Variants in DNAH8 observed in about 807,000 individuals in gnomAD.
The protein encoded by DNAH8 is dynein axonemal heavy chain 8, also known as axonemal beta dynein heavy chain 8.
In DNAH8, 382 loss-of-function variants were observed where a neutral mutation model predicts 562.1. The ratio of observed to expected loss-of-function variants is 0.68; its 90% CI spans 0.63 to 0.74. The LOEUF (loss-of-function observed/expected upper bound fraction) is 0.74, where lower values mean the gene tolerates loss of function less well. Ranked by LOEUF, DNAH8 falls within the 30% of genes least tolerant of loss-of-function variation. The pLI, the probability that DNAH8 is intolerant of heterozygous loss-of-function variation, is 0.00. For missense variants in DNAH8, 5,203 were observed against 5,620.4 expected (o/e 0.93, Z 2.37); for synonymous variants, 1,881 against 1,919.4 (o/e 0.98, Z 0.52).
At chr6:38,818,918 G>A (rs1410367237) in intron 26 of DNAH8, among the ~76,000 whole-genome samples, 1 of 152,148 alleles carries the variant, frequency 6.6e-6, no homozygotes, top group Admixed American at 6.5e-5. Context: ...GAGAACTGGA[G>A]GCAGGTAATT....
chr6:38,745,602 C>G (rs1764861884), intron 8 of DNAH8, among the ~76,000 whole-genome samples: 1 of 152,262 alleles, frequency 6.6e-6, no homozygotes, highest in African/African-American at 2.4e-5. Flanking sequence ...ATTAATGATG[C>G]TACACACAAT....
chr6:39,006,817 A>G (rs867953530), intron 88 of DNAH8, among the ~76,000 whole-genome samples: 2 of 152,188 alleles, frequency 1.3e-5, no homozygotes, highest in African/African-American at 2.4e-5. Flanking sequence ...CAAGTTACCT[A>G]TCATCTTCTT....
Position 38,890,703 on chromosome 6 carries a change from T to C in DNAH8, c.8525T>C (p.Ile2842Thr), listed in dbSNP as rs1340908139. 6.2e-7 allele frequency: 1 copy of C among 1,613,970 alleles called. No individual in the cohort carries two copies. Reference sequence around the variant, plus strand: ...CCTTGTAGAAGTTTCAAGCCTCAAATATGTGAGATGATTGTGAATTTAGTC... The same window carrying C: ...CCTTGTAGAAGTTTCAAGCCTCAAACATGTGAGATGATTGTGAATTTAGTC... ...FDPCRSFKPQ[I>T]CEMIVNLVSV... Residue 2842 changes from isoleucine to threonine, a missense_variant, in exon 58 of 93, where the codon ATA becomes ACA. Ile to Thr is a moderately conservative substitution (Grantham distance 89). Transcript: ENST00000327475.
chr6:38,949,967 A>G (rs1051849860), intron 81 of DNAH8, among the ~76,000 whole-genome samples: 4 of 152,216 alleles, frequency 2.6e-5, no homozygotes, highest in Admixed American at 6.5e-5. Flanking sequence ...TTACAAGACA[A>G]TTAGCTTATA....
In DNAH8 at chr6:38,938,790, T is replaced by C. The variant is rs1583409015; in HGVS notation, c.11817-8T>C. 6.3e-7 allele frequency: 1 copy of C among 1,577,800 alleles called. No homozygotes were observed. The highest frequency in any genetic ancestry group is 1.9e-5 in the Admixed American group (1 of 53,502). On this transcript the variant is annotated splice_region_variant and splice_polypyrimidine_tract_variant and intron_variant, in intron 78 of 92. Coordinates refer to ENST00000327475, the MANE Select transcript of DNAH8 (RefSeq NM_001206927.2). ...CTTTGCTTCTTTGATTCTTAAAATG[T>C]GTTTCAGATCTGAAAAGTCACCACT... is the stretch of plus-strand genomic sequence containing the variant.
chr6:38,897,636 C>T (rs1428562018), intron 60 of DNAH8, among the ~76,000 whole-genome samples: 1 of 151,844 alleles, frequency 6.6e-6, no homozygotes, highest in Non-Finnish European at 1.5e-5. Flanking sequence ...TATATAGAGC[C>T]GGGCGAGGTG....
intron 22 of DNAH8, among the ~76,000 whole-genome samples, chr6:38,804,376 G>C (rs1173299424): frequency 6.6e-6 from 1 of 152,134 alleles, no homozygotes; most frequent in Non-Finnish European, 1.5e-5. Context: ...TTAAAGTTTT[G>C]TTTTCAAGCT....
At chr6:38,863,440 A>G (rs1463104790) in intron 44 of DNAH8, among the ~76,000 whole-genome samples, 1 of 151,984 alleles carries the variant, frequency 6.6e-6, no homozygotes, top group African/African-American at 2.4e-5. Context: ...AAACAAAACA[A>G]AACAACAAAA....
chr6:38,725,303 A>ATAT (rs1321323431), intron 3 of DNAH8, among the ~76,000 whole-genome samples: 2 of 18,814 alleles, frequency 1.1e-4, no homozygotes, highest in Non-Finnish European at 2.1e-4. Context: ...ACTCCAACTC[A>ATAT]TATAATAATA....
chr6:39,017,134 AG>A, intron 91 of DNAH8, among the ~76,000 whole-genome samples: 1 of 152,178 alleles, frequency 6.6e-6, no homozygotes, highest in South Asian at 2.1e-4. Context: ...TTTGTCTCCC[AG>A]CAGATTACTC....
In DNAH8 at chr6:38,791,591, C is replaced by A. The variant is rs200401493; in HGVS notation, c.2818C>A (p.Leu940Met). Residue 940 changes from leucine (L) to methionine (M), a missense_variant, in exon 21 of 93, where the codon CTG (leucine) becomes ATG (methionine). Transcript: ENST00000327475. ...DLCEMHIDTV[L>M]KEIAKTVLIS... is the part of the protein sequence containing the mutation. ...GTGTGAAATGCATATTGATACAGTT[C>A]TGAAGGAGATAGCCAAAACTGTGTT... The A allele has an allele frequency of 1.1e-4, 184 of 1,613,728 alleles. No homozygotes were observed. Among genetic ancestry groups the A allele is most frequent in the Middle Eastern group, 1.7e-4 (1 of 6,060 alleles).
At chr6:38,922,678 G>A (rs569009133) in intron 71 of DNAH8, among the ~76,000 whole-genome samples, 250 of 152,224 alleles carry the variant, frequency 1.6e-3, no homozygotes, top group Non-Finnish European at 3.0e-3. Context: ...ATTTTTCCAG[G>A]AGAAAATACT....
intron 66 of DNAH8, among the ~76,000 whole-genome samples, chr6:38,912,537 G>A (rs1354017081): frequency 6.6e-6 from 1 of 152,168 alleles, no homozygotes; most frequent in Non-Finnish European, 1.5e-5. Context: ...TCATAGTTAT[G>A]AGAGAAGACT....
intron 42 of DNAH8, 105 bp downstream of exon 42, chr6:38,857,847 T>C (rs1183193173): frequency 1.4e-6 from 1 of 699,084 alleles, no homozygotes; most frequent in African/African-American, 1.8e-5. Flanking sequence ...TTGGTCCTTT[T>C]TCATAACTGT....
At chr6:38,891,342 G>T (rs2150487577) in intron 58 of DNAH8, among the ~76,000 whole-genome samples, 1 of 152,342 alleles carries the variant, frequency 6.6e-6, no homozygotes, top group South Asian at 2.1e-4. Flanking sequence ...AGGCAATTAA[G>T]TGTAGGTATG....
intron 36 of DNAH8, among the ~76,000 whole-genome samples, chr6:38,846,964 C>T (rs1775349353): frequency 6.6e-6 from 1 of 152,158 alleles, no homozygotes; most frequent in African/African-American, 2.4e-5. Context: ...CTGGGAGATT[C>T]TCTTCCTAGA....
intron 71 of DNAH8, 79 bp downstream of exon 71, chr6:38,921,585 A>G: frequency 6.8e-7 from 1 of 1,469,102 alleles, no homozygotes; most frequent in Non-Finnish European, 9.1e-7. Context: ...GAAATCAGGC[A>G]AATGGTTGTG....
chr6:38,846,177 GAGCAATCTACCACTAC>G lies in DNAH8; in HGVS notation c.5045+416_5045+431del, dbSNP rs1197916774. ...GGAAAAGCCTGCTGGCCACCCGTGAGAGCAATCTACCACTACAGCAATCTACCCATTAGGGGCTTGG... is the reference window on the plus strand; with the variant it reads ...GGAAAAGCCTGCTGGCCACCCGTGAGAGCAATCTACCCATTAGGGGCTTGG... On this transcript the variant is annotated intron_variant, in intron 36 of 92. Transcript: ENST00000327475. 2.6e-5 allele frequency among the ~76,000 whole-genome samples: 4 copies of G among 152,270 alleles called. No homozygotes were observed. In the East Asian group the frequency reaches 7.7e-4, roughly 29 times the overall value.
chr6:38,737,358 C>G, intron 6 of DNAH8, 102 bp downstream of exon 6: 1 of 693,316 alleles, frequency 1.4e-6, no homozygotes, highest in Non-Finnish European at 2.1e-6. Flanking sequence ...AGATGTTAAT[C>G]CAAGTAATTA....
Sources: gnomAD v4.1 joint callset for allele counts (sites outside exome capture counted in the v4.1 genomes callset) on GRCh38, gnomAD v4.1.1 for gene constraint, MANE v1.5 for transcripts, NCBI Gene and HGNC (gene_info 2026-07-23, HGNC 2026-07-21) for gene names.